CRTAC1: variants seen among roughly 807,000 people sequenced by gnomAD.
CRTAC1 encodes the protein cartilage acidic protein 1, also known as acidic secreted protein in cartilage.
A neutral mutation model predicts 67.8 loss-of-function variants in CRTAC1; 37 were observed. The observed-to-expected ratio is 0.55, with a 90% confidence interval of 0.42 to 0.72. The LOEUF (loss-of-function observed/expected upper bound fraction) is 0.72, where lower values mean the gene tolerates loss of function less well. Among genes scored for constraint, CRTAC1 ranks in the 30% least tolerant of loss-of-function variants. The pLI, the probability that CRTAC1 is intolerant of heterozygous loss-of-function variation, is 0.00. For missense variants in CRTAC1, 780 were observed against 931.6 expected (o/e 0.84, Z 2.12); for synonymous variants, 348 against 371.0 (o/e 0.94, Z 0.71).
chr10:98,030,478 C>G lies in CRTAC1; in HGVS notation c.-6G>C, dbSNP rs1381581509. ...GGGTCAGCGCTCGGAGCCATCCTCCCGCTCTCGGCCCCGCCGCCTAGGGGC... is the reference window on the plus strand; with the variant it reads ...GGGTCAGCGCTCGGAGCCATCCTCCGGCTCTCGGCCCCGCCGCCTAGGGGC... On this transcript the variant is annotated 5_prime_UTR_variant, in exon 1 of 15. Transcript: ENST00000370597. The surrounding 1 kb of genome is among the most constrained non-coding windows in gnomAD (Gnocchi z 4.2). The G allele has an allele frequency of 1.6e-6, 2 of 1,247,332 alleles. No homozygotes were observed. The highest frequency in any genetic ancestry group is 1.6e-5 in the African/African-American group (1 of 64,372). The allele number at this position is 1,247,332 out of a possible 1,614,324, so 77.3% of individuals were successfully genotyped here.
At chr10:97,988,222 G>A (rs2052016428) in intron 2 of CRTAC1, among the ~76,000 whole-genome samples, 1 of 150,966 alleles carries the variant, frequency 6.6e-6, no homozygotes, top group African/African-American at 2.4e-5. Context: ...AGTTCTGTGT[G>A]TGCCCCAGTA....
chr10:97,923,796 G>A (rs573983641), intron 3 of CRTAC1, among the ~76,000 whole-genome samples: 10 of 152,268 alleles, frequency 6.6e-5, no homozygotes, highest in Non-Finnish European at 1.0e-4. Context: ...TTCTCCAGGC[G>A]CTGTCCCTAC....
intron 4 of CRTAC1, among the ~76,000 whole-genome samples, chr10:97,922,794 C>A (rs2050859102): frequency 6.6e-6 from 1 of 152,146 alleles, no homozygotes; most frequent in Non-Finnish European, 1.5e-5. Context: ...CTTCACCCAT[C>A]TAGGAACCCC....
chr10:97,989,133 C>T (rs1842380567), intron 2 of CRTAC1, among the ~76,000 whole-genome samples: 1 of 152,220 alleles, frequency 6.6e-6, no homozygotes. Context: ...CCCTGGTTCT[C>T]AGGCCTTCAG....
chr10:97,976,202 C>A (rs1394759860), intron 2 of CRTAC1, among the ~76,000 whole-genome samples: 2 of 152,222 alleles, frequency 1.3e-5, no homozygotes, highest in Admixed American at 6.5e-5. Context: ...AGGTCCTCTG[C>A]GCTCATTCCA....
At chr10:97,970,260 G>C (rs2051686024) in intron 2 of CRTAC1, among the ~76,000 whole-genome samples, 1 of 152,108 alleles carries the variant, frequency 6.6e-6, no homozygotes, top group Non-Finnish European at 1.5e-5. Context: ...TTTTCATTTG[G>C]ATTACTGCAA....
chr10:97,904,066 C>T (rs985727575), intron 7 of CRTAC1, among the ~76,000 whole-genome samples: 2 of 151,482 alleles, frequency 1.3e-5, no homozygotes, highest in African/African-American at 2.4e-5. Flanking sequence ...TCCACAAACA[C>T]TCTCTGCTCT....
At chr10:97,901,446 C>T (rs994530882) in intron 8 of CRTAC1, 57 bp downstream of exon 8, 38 of 1,609,524 alleles carry the variant, frequency 2.4e-5, no homozygotes, top group Middle Eastern at 1.7e-4. Flanking sequence ...TCTCCCTGAC[C>T]GTTCCTCCCA....
At chr10:97,989,785 G>A (rs1842402162) in intron 2 of CRTAC1, among the ~76,000 whole-genome samples, 5 of 152,194 alleles carry the variant, frequency 3.3e-5, no homozygotes, top group African/African-American at 9.7e-5. Flanking sequence ...TAGGTAACTC[G>A]TTCTAAGGTC....
chr10:98,009,935 A>G (rs1842874335), intron 2 of CRTAC1, among the ~76,000 whole-genome samples: 1 of 152,158 alleles, frequency 6.6e-6, no homozygotes, highest in South Asian at 2.1e-4. Flanking sequence ...CTCAATGTGG[A>G]TGACAATACA....
At position 97,936,144 on chromosome 10, in the gene CRTAC1, G is replaced by C. The variant is rs138944708; in HGVS notation, c.421+26C>G. The C allele has an allele frequency of 1.1e-4, 173 of 1,562,760 alleles. No individual in the cohort carries two copies. In the African/African-American group the frequency reaches 2.2e-3, roughly 20 times the overall value. On this transcript the variant is annotated intron_variant, in intron 3 of 14. Transcript: ENST00000370597. ...CTGGGAGGGAGAAGATGGGAAGCAG[G>C]AAGAGGCCTGAGCCCCAGCCCTTAC... is the stretch of plus-strand genomic sequence containing the variant.
In CRTAC1 at chr10:97,925,235, C is replaced by T. The variant is rs144272559; in HGVS notation, c.422-1835G>A. ...GCAGTGAGCTGTGATTGTGCCACTG[C>T]ACTCCAGCCTGGGTGACAGAACAAT... On this transcript the variant is annotated intron_variant, in intron 3 of 14. Coordinates refer to ENST00000370597, the MANE Select transcript of CRTAC1 (RefSeq NM_018058.7). 4.4e-3 allele frequency among the ~76,000 whole-genome samples: 672 copies of T among 152,288 alleles called. 8 individuals are homozygous for T. Among genetic ancestry groups the T allele is most frequent in the African/African-American group, 0.015 (624 of 41,560 alleles).
In CRTAC1 at chr10:98,029,520, C is replaced by CGGCGGCGGT. The variant is rs1221843753; in HGVS notation, c.24+928_24+929insACCGCCGCC. On this transcript the variant is annotated intron_variant, in intron 1 of 14. Transcript: ENST00000370597. The surrounding 1 kb of genome is among the most constrained non-coding windows in gnomAD (Gnocchi z 4.7). ...GCGGCGGCGGCGGCGGCGGCGGCGGCGGCGGCGGCAGCAGCAGCAATATTC... is the reference window on the plus strand; with the variant it reads ...GCGGCGGCGGCGGCGGCGGCGGCGGCGGCGGCGGTGGCGGCGGCAGCAGCAGCAATATTC... Among the ~76,000 whole-genome samples, 3 of 135,962 alleles carry CGGCGGCGGT rather than the reference C, an allele frequency of 2.2e-5. No homozygotes were observed. The highest frequency in any genetic ancestry group is 1.1e-4 in the African/African-American group (3 of 26,790). 89.2% of individuals were successfully genotyped at this position (135,962 alleles called of 152,430 possible).
At chr10:98,010,720 G>C (rs1842888877) in intron 2 of CRTAC1, among the ~76,000 whole-genome samples, 1 of 152,154 alleles carries the variant, frequency 6.6e-6, no homozygotes. Flanking sequence ...GCTGTGCAAA[G>C]GCAGCTTTGA....
intron 7 of CRTAC1, among the ~76,000 whole-genome samples, chr10:97,903,445 C>G (rs111490211): frequency 6.6e-6 from 1 of 151,766 alleles, no homozygotes; most frequent in Non-Finnish European, 1.5e-5. Flanking sequence ...CTGTCCTGGG[C>G]TCAGGGCATG....
intron 2 of CRTAC1, among the ~76,000 whole-genome samples, chr10:97,995,954 A>T (rs1033834411): frequency 6.6e-6 from 1 of 152,064 alleles, no homozygotes; most frequent in East Asian, 1.9e-4. Flanking sequence ...AAGTCAAGAG[A>T]TCAAGACCAT....
chr10:97,994,513 T>G (rs1842518816), intron 2 of CRTAC1, among the ~76,000 whole-genome samples: 1 of 152,182 alleles, frequency 6.6e-6, no homozygotes, highest in South Asian at 2.1e-4. Context: ...TTCCCAGAAC[T>G]GAAGGAGAGC....
chr10:97,884,191 G>T lies in CRTAC1; in HGVS notation c.1632+15C>A. 1 of 1,559,980 alleles carries T rather than the reference G, an allele frequency of 6.4e-7. No homozygotes were observed. Among genetic ancestry groups the T allele is most frequent in the Non-Finnish European group, 8.7e-7 (1 of 1,151,210 alleles). ...CCCGCTTTTCTGGCTATGAGGCCCAGATGCCTTTGCCCACCTCCAGTGGGG... is the reference window on the plus strand; with the variant it reads ...CCCGCTTTTCTGGCTATGAGGCCCATATGCCTTTGCCCACCTCCAGTGGGG... On this transcript the variant is annotated intron_variant, in intron 12 of 14. Transcript: ENST00000370597.
intron 3 of CRTAC1, among the ~76,000 whole-genome samples, chr10:97,931,023 G>T (rs1193140173): frequency 6.6e-6 from 1 of 152,008 alleles, no homozygotes; most frequent in East Asian, 1.9e-4. Context: ...ACTCAATAAG[G>T]AAAAGACCAA....
Sources: allele counts gnomAD v4.1 joint callset (sites outside exome capture counted in the v4.1 genomes callset), GRCh38; gene constraint gnomAD v4.1.1; non-coding constraint Gnocchi (gnomAD v3.1); transcripts MANE v1.5; gene names NCBI Gene and HGNC (gene_info 2026-07-23, HGNC 2026-07-21).